XIRP2: variants seen among roughly 807,000 people sequenced by gnomAD.
XIRP2 encodes xin actin-binding repeat-containing protein 2.
In XIRP2, 236 loss-of-function variants were observed where a neutral mutation model predicts 277.0. The observed-to-expected ratio is 0.85, with a 90% CI of 0.77 to 0.95. The LOEUF is 0.95. Among genes scored for constraint, XIRP2 ranks in the 40% least tolerant of loss-of-function variants. The pLI, the probability that XIRP2 is intolerant of heterozygous loss-of-function variation, is 0.00. For synonymous variants in XIRP2, 1,490 were observed against 1,416.5 expected (o/e 1.05, Z -1.17); for missense variants, 4,640 against 4,157.5 (o/e 1.12, Z -3.19).
rs1695302243 is a variant in XIRP2, at chr2:167,247,254, A to G, written c.5862A>G (p.Ala1954=). 2 of 1,613,630 alleles carry G rather than the reference A, an allele frequency of 1.2e-6. No individual in the cohort carries two copies. Among genetic ancestry groups the G allele is most frequent in the Non-Finnish European group, 1.7e-6 (2 of 1,179,866 alleles). The change falls in exon 9 of 11, where the codon GCA becomes GCG. Residue 1954 remains alanine, a synonymous_variant. Transcript: ENST00000409195. ...VIKKDAKAVM[A]GSSGEQKTDI... is the part of the protein sequence containing the mutation. ...AAAAAGATGCTAAAGCTGTGATGGC[A>G]GGATCCTCGGGAGAGCAGAAAACAG...
intron 2 of XIRP2, among the ~76,000 whole-genome samples, chr2:166,972,896 A>T (rs1263572531): frequency 1.3e-5 from 2 of 152,306 alleles, no homozygotes; most frequent in Admixed American, 6.5e-5. Flanking sequence ...AATTTTTGTA[A>T]TCAATTATTT....
chr2:166,999,643 A>C (rs1687312921), intron 2 of XIRP2, among the ~76,000 whole-genome samples: 1 of 152,138 alleles, frequency 6.6e-6, no homozygotes, highest in Admixed American at 6.6e-5. Flanking sequence ...ATGTCTTAGA[A>C]TGTCAGTCAT....
chr2:166,903,628 A>T lies in XIRP2; in HGVS notation c.146A>T (p.Glu49Val), dbSNP rs767298653. Residue 49 changes from glutamate (E) to valine (V), a missense_variant, in exon 2 of 11, where the codon GAG becomes GTG. Glu to Val is a moderately radical substitution (Grantham distance 121). Transcript: ENST00000409195. ...AGCAAATTGCTTGCGCCTGAAGGAG[A>T]GGTAGTATCAGCACCTCAATCTTTG... ...QESKLLAPEG[E>V]VVSAPQSLDP... is the part of the protein sequence containing the mutation. 6.2e-7 allele frequency: 1 copy of T among 1,613,540 alleles called. No homozygotes were observed. The highest frequency in any genetic ancestry group is 1.7e-4 in the Middle Eastern group (1 of 6,058).
chr2:167,207,363 TG>T (rs1693888059), intron 3 of XIRP2, among the ~76,000 whole-genome samples: 1 of 152,198 alleles, frequency 6.6e-6, no homozygotes, highest in Admixed American at 6.5e-5. Flanking sequence ...AATTCTAGAA[TG>T]TATATTACAT....
At chr2:167,202,972 A>G (rs1197421849) in intron 3 of XIRP2, among the ~76,000 whole-genome samples, 1 of 152,156 alleles carries the variant, frequency 6.6e-6, no homozygotes, top group African/African-American at 2.4e-5. Context: ...CCAGCAGTGT[A>G]GAATATTCAA....
In XIRP2 at chr2:167,239,925, G is replaced by T. The variant is rs765602901; in HGVS notation, c.929G>T (p.Gly310Val). 6 of 1,603,004 alleles carry T rather than the reference G, an allele frequency of 3.7e-6. No homozygotes were observed. The highest frequency in any genetic ancestry group is 1.1e-5 in the South Asian group (1 of 88,108). The change falls in exon 6 of 11, where the codon GGG becomes GTG. Residue 310 changes from glycine (G) to valine (V), a missense_variant. Gly to Val is a moderately radical substitution (Grantham distance 109). Coordinates refer to ENST00000409195, the MANE Select transcript of XIRP2 (RefSeq NM_152381.6). ...GAAATGGCAAGAAATGAACAAGAAG[G>T]GTCCAAAGTACAGAAAATTGATGTT... ...SQEMARNEQE[G>V]SKVQKIDVHG...
At chr2:167,072,123 A>G (rs1689452617) in intron 2 of XIRP2, among the ~76,000 whole-genome samples, 1 of 152,284 alleles carries the variant, frequency 6.6e-6, no homozygotes, top group African/African-American at 2.4e-5. Flanking sequence ...TGCCATATGA[A>G]GTTATATGTA....
intron 3 of XIRP2, among the ~76,000 whole-genome samples, chr2:167,192,834 G>A (rs1179963268): frequency 1.3e-5 from 2 of 152,124 alleles, no homozygotes; most frequent in African/African-American, 4.8e-5. Context: ...GCAATCAACA[G>A]CTTGATCCCC....
chr2:166,918,134 C>T (rs1203736589), intron 2 of XIRP2, among the ~76,000 whole-genome samples: 1 of 152,176 alleles, frequency 6.6e-6, no homozygotes, highest in African/African-American at 2.4e-5. Context: ...ACTGGTGATA[C>T]TGTGTGATCA....
intron 2 of XIRP2, among the ~76,000 whole-genome samples, chr2:167,117,634 A>ATCTACACCCAGCTGAGCTGATTCTAC (rs1383711350): frequency 1.3e-5 from 2 of 152,172 alleles, no homozygotes; most frequent in Non-Finnish European, 2.9e-5. Context: ...CTGCAGTCTA[A>ATCTACACCCAGCTGAGCTGATTCTAC]TCTACACCCA....
intron 2 of XIRP2, among the ~76,000 whole-genome samples, chr2:167,079,675 G>T (rs1019960463): frequency 6.6e-6 from 1 of 151,842 alleles, no homozygotes; most frequent in Non-Finnish European, 1.5e-5. Flanking sequence ...TAGTGGATCA[G>T]TTGTAATGTC....
chr2:167,083,256 A>G lies in XIRP2; in HGVS notation c.409-52653A>G, dbSNP rs896330953. ...TTTGTCAAAGATCAGATAGTTGTAG[A>G]TATGCGGCATTATTTCTGAGGGCTC... is the stretch of plus-strand genomic sequence containing the variant. On this transcript the variant is annotated intron_variant, in intron 2 of 10. Transcript: ENST00000409195. Among the ~76,000 whole-genome samples, 336 of 152,050 alleles carry G rather than the reference A, an allele frequency of 2.2e-3. 1 individual carries two copies. The highest frequency in any genetic ancestry group is 7.5e-3 in the African/African-American group (309 of 41,476).
chr2:166,892,078 A>G (rs1248186995), intron 1 of XIRP2, among the ~76,000 whole-genome samples: 1 of 152,156 alleles, frequency 6.6e-6, no homozygotes, highest in Non-Finnish European at 1.5e-5. Context: ...CTAGAATTAT[A>G]TTGCAAAATA....
At chr2:167,205,077 G>A (rs1693818859) in intron 3 of XIRP2, among the ~76,000 whole-genome samples, 1 of 152,108 alleles carries the variant, frequency 6.6e-6, no homozygotes, top group African/African-American at 2.4e-5. Flanking sequence ...CACATGGCCA[G>A]CTCTTTCAGG....
chr2:166,911,940 C>T, intron 2 of XIRP2, among the ~76,000 whole-genome samples: 1 of 152,206 alleles, frequency 6.6e-6, no homozygotes, highest in Non-Finnish European at 1.5e-5. Context: ...TTGGCCTCCA[C>T]TCTCTTCTGG....
chr2:167,055,200 T>A (rs774702570), intron 2 of XIRP2, among the ~76,000 whole-genome samples: 13 of 152,128 alleles, frequency 8.5e-5, no homozygotes, highest in Admixed American at 5.9e-4. Flanking sequence ...CTCTTCACCG[T>A]GCTAAAGACC....
At chr2:167,004,350 G>A (rs891762457) in intron 2 of XIRP2, among the ~76,000 whole-genome samples, 5 of 151,800 alleles carry the variant, frequency 3.3e-5, no homozygotes, top group Admixed American at 2.0e-4. Context: ...TTAAATGGCA[G>A]GACCATTTGA....
At chr2:167,153,836 C>A (rs1166944493) in intron 3 of XIRP2, among the ~76,000 whole-genome samples, 1 of 150,380 alleles carries the variant, frequency 6.6e-6, no homozygotes, top group Non-Finnish European at 1.5e-5. Context: ...GGTTCCAAGT[C>A]TTTGCTATTG....
chr2:166,920,146 A>G (rs1291462490), intron 2 of XIRP2, among the ~76,000 whole-genome samples: 1 of 152,170 alleles, frequency 6.6e-6, no homozygotes, highest in African/African-American at 2.4e-5. Flanking sequence ...ATGACTGAAC[A>G]CTGCGTATCT....
Sources: gnomAD v4.1 joint callset for allele counts (sites outside exome capture counted in the v4.1 genomes callset) on GRCh38, gnomAD v4.1.1 for gene constraint, MANE v1.5 for transcripts, NCBI Gene and HGNC (gene_info 2026-07-23, HGNC 2026-07-21) for gene names.